SLC2A9: variants seen among roughly 807,000 people sequenced by gnomAD.
SLC2A9 encodes solute carrier family 2 member 9, also known as solute carrier family 2, facilitated glucose transporter member 9.
A neutral mutation model predicts 50.6 loss-of-function variants in SLC2A9; 39 were observed. The observed-to-expected ratio is 0.77, with a 90% CI of 0.60 to 1.01. The LOEUF is 1.01. Among genes scored for constraint, SLC2A9 ranks in the 50% least tolerant of loss-of-function variants. SLC2A9 has a pLI of 0.00. For missense variants in SLC2A9, 686 were observed against 677.6 expected (o/e 1.01, Z -0.14); for synonymous variants, 324 against 276.9 (o/e 1.17, Z -1.69).
At chr4:9,856,814 C>T (rs1397800728) in intron 10 of SLC2A9, among the ~76,000 whole-genome samples, 2 of 152,158 alleles carry the variant, frequency 1.3e-5, no homozygotes, top group Non-Finnish European at 2.9e-5. Flanking sequence ...TCTTTTGCAG[C>T]AACATGGATG....
At chr4:9,993,457 T>C (rs1216821147) in intron 3 of SLC2A9, among the ~76,000 whole-genome samples, 1 of 152,172 alleles carries the variant, frequency 6.6e-6, no homozygotes, top group Non-Finnish European at 1.5e-5. Flanking sequence ...GGGTCAATTG[T>C]AGGGATGAAC....
At chr4:9,914,116 C>A (rs1195941600) in intron 7 of SLC2A9, among the ~76,000 whole-genome samples, 1 of 152,160 alleles carries the variant, frequency 6.6e-6, no homozygotes, top group Non-Finnish European at 1.5e-5. Flanking sequence ...CCCTGATCAT[C>A]CCAAACATTT....
At chr4:9,927,038 T>C (rs1310340911) in intron 6 of SLC2A9, among the ~76,000 whole-genome samples, 1 of 151,392 alleles carries the variant, frequency 6.6e-6, no homozygotes, top group African/African-American at 2.4e-5. Flanking sequence ...CGATTTTTTT[T>C]TTTTTTTTTT....
chr4:9,875,982 G>T (rs1195811488), intron 10 of SLC2A9, among the ~76,000 whole-genome samples: 4 of 152,186 alleles, frequency 2.6e-5, no homozygotes, highest in African/African-American at 9.6e-5. Context: ...TGCCTGTTTG[G>T]TTCTCAGAAT....
intron 1 of SLC2A9, among the ~76,000 whole-genome samples, chr4:9,772,617 G>A (rs1716972064): frequency 6.6e-6 from 1 of 152,166 alleles, no homozygotes; most frequent in Admixed American, 6.5e-5. Flanking sequence ...CCAGTCTGAG[G>A]CAAGGCTTCC....
chr4:9,881,525 C>A (rs1162948790), intron 10 of SLC2A9, among the ~76,000 whole-genome samples: 2 of 152,192 alleles, frequency 1.3e-5, no homozygotes, highest in African/African-American at 4.8e-5. Flanking sequence ...GGGGTTGACA[C>A]ATGTTTAAAA....
At chr4:10,012,567 T>G (rs565204387) in intron 2 of SLC2A9, among the ~76,000 whole-genome samples, 1 of 152,208 alleles carries the variant, frequency 6.6e-6, no homozygotes, top group South Asian at 2.1e-4. Flanking sequence ...AGAAATAAAT[T>G]CGGTGAGGGC....
downstream of SLC2A9, among the ~76,000 whole-genome samples, chr4:9,797,766 C>T (rs1720761529): frequency 6.6e-6 from 1 of 152,226 alleles, no homozygotes. Flanking sequence ...GCACCAAACA[C>T]TTAAGACACT....
chr4:9,886,464 GTGT>G (rs1292271305), intron 10 of SLC2A9, among the ~76,000 whole-genome samples: 1 of 124,470 alleles, frequency 8.0e-6, no homozygotes, highest in Non-Finnish European at 1.6e-5. Context: ...GTGTGTGTGT[GTGT>G]GTGTGTGCTG....
chr4:9,847,526 C>T (rs545700068), intron 10 of SLC2A9, among the ~76,000 whole-genome samples: 11 of 152,312 alleles, frequency 7.2e-5, no homozygotes, highest in South Asian at 2.1e-4. Flanking sequence ...TCAATGATTA[C>T]GGCGATTCCT....
At chr4:9,859,073 G>A (rs531814637) in intron 10 of SLC2A9, among the ~76,000 whole-genome samples, 31 of 152,256 alleles carry the variant, frequency 2.0e-4, no homozygotes, top group Admixed American at 8.5e-4. Flanking sequence ...GTGCACTGTC[G>A]GCTTCCCTAT....
At chr4:9,990,546 T>C (rs1162668741) in intron 3 of SLC2A9, among the ~76,000 whole-genome samples, 1 of 152,178 alleles carries the variant, frequency 6.6e-6, no homozygotes, top group Non-Finnish European at 1.5e-5. Flanking sequence ...TTCTGGTAGA[T>C]ATGTCCTAGG....
At chr4:10,008,916 T>TTTTTTTTTTTTA (rs1761279914) in intron 2 of SLC2A9, among the ~76,000 whole-genome samples, 1 of 151,496 alleles carries the variant, frequency 6.6e-6, no homozygotes, top group Non-Finnish European at 1.5e-5. Context: ...TTTTTTTTTT[T>TTTTTTTTTTTTA]TCCTAATGGA....
intron 1 of SLC2A9, among the ~76,000 whole-genome samples, chr4:9,773,540 G>C (rs989927321): frequency 6.6e-6 from 1 of 152,230 alleles, no homozygotes; most frequent in Non-Finnish European, 1.5e-5. Flanking sequence ...AACTGGATTA[G>C]GAAAACTCGC....
intron 10 of SLC2A9, among the ~76,000 whole-genome samples, chr4:9,840,389 A>T (rs1727851053): frequency 6.6e-6 from 1 of 152,222 alleles, no homozygotes; most frequent in Admixed American, 6.5e-5. Flanking sequence ...GGGGTTTGAT[A>T]AAGAAACAGA....
At chr4:9,977,545 C>T (rs1285706110) in intron 5 of SLC2A9, among the ~76,000 whole-genome samples, 9 of 136,462 alleles carry the variant, frequency 6.6e-5, no homozygotes, top group African/African-American at 3.1e-5. Flanking sequence ...CTCCCTCTCC[C>T]CCTCCCCCTC....
chr4:9,797,229 T>C (rs1720700930), downstream of SLC2A9, among the ~76,000 whole-genome samples: 1 of 152,200 alleles, frequency 6.6e-6, no homozygotes, highest in Non-Finnish European at 1.5e-5. Flanking sequence ...TAACCTCTCC[T>C]GAACTATTTT....
chr4:10,004,596 T>C (rs930729469), intron 2 of SLC2A9, among the ~76,000 whole-genome samples: 1 of 152,178 alleles, frequency 6.6e-6, no homozygotes, highest in Non-Finnish European at 1.5e-5. Flanking sequence ...GAGCAGAGTG[T>C]TCCTGCTCAT....
intron 5 of SLC2A9, among the ~76,000 whole-genome samples, chr4:9,970,322 A>G (rs902658125): frequency 1.3e-5 from 2 of 152,160 alleles, no homozygotes; most frequent in African/African-American, 4.8e-5. Flanking sequence ...CAGCCAGCCA[A>G]CTCGGGTGGC....
Sources: allele counts gnomAD v4.1 joint callset (sites outside exome capture counted in the v4.1 genomes callset), GRCh38; gene constraint gnomAD v4.1.1; transcripts MANE v1.5; gene names NCBI Gene and HGNC (gene_info 2026-07-23, HGNC 2026-07-21).